PRR4: variants seen among roughly 807,000 people sequenced by gnomAD.
PRR4 encodes the protein proline rich 4, also known as proline-rich protein 4.
PRR4 carries 7 observed loss-of-function variants against 7.6 expected under a neutral mutation model. The observed-to-expected ratio is 0.92, with a 90% CI of 0.52 to 1.73. The LOEUF (loss-of-function observed/expected upper bound fraction) is 1.73, where lower values mean the gene tolerates loss of function less well. PRR4 is among the 40% of genes most tolerant of loss of function. The pLI is 0.00. For synonymous variants in PRR4, 64 were observed against 58.5 expected, an observed-to-expected ratio of 1.09 and a Z score of -0.43; for missense variants, 187 against 161.0, an observed-to-expected ratio of 1.16 and a Z score of -0.87.
chr12:10,848,012 G>A (rs10732560), intron 2 of PRR4, among the ~76,000 whole-genome samples: 125,988 of 151,992 alleles, frequency 0.83, 53,361 homozygotes, highest in East Asian at 1. Context: ...ATAACCGTGC[G>A]GGGGAACACT....
In PRR4 at chr12:10,847,159, A is replaced by G. The variant is rs1325830673; in HGVS notation, c.309T>C (p.Ser103=). 2 of 1,613,626 alleles carry G rather than the reference A, an allele frequency of 1.2e-6. No individual in the cohort carries two copies. Among genetic ancestry groups the G allele is most frequent in the Non-Finnish European group, 8.5e-7 (1 of 1,179,824 alleles). ...RPPRRGHRQL[S]LPRFPSVSLQ... The stretch of plus-strand genomic sequence containing the variant: ...GGCTGACAGAAGGAAATCGGGGTAG[A>G]GAGAGTTGACGGTGTCCTCGTCGGG... The change falls in exon 3 of 4, where the codon TCT becomes TCC. Residue 103 remains serine (S), a synonymous_variant. Coordinates refer to ENST00000228811, the MANE Select transcript of PRR4 (RefSeq NM_007244.3).
Position 10,845,852 on chromosome 12 carries a change from C to A in PRR4, c.*117G>T. ...AAAGAGAAGCAACAATCAGAAATTG[C>A]ATGCTATTAATATTTTATTGGTATA... On this transcript the variant is annotated 3_prime_UTR_variant, in exon 4 of 4. Transcript: ENST00000228811. 1 of 946,106 alleles carries A rather than the reference C, an allele frequency of 1.1e-6. No individual in the cohort carries two copies. Among genetic ancestry groups the A allele is most frequent in the South Asian group, 3.9e-5 (1 of 25,348 alleles). The allele number at this position is 946,106 out of a possible 1,614,324, so 58.6% of individuals were successfully genotyped here.
intron 3 of PRR4, 113 bp downstream of exon 3, chr12:10,846,932 A>G (rs777807196): frequency 9.4e-6 from 9 of 959,508 alleles, no homozygotes; most frequent in Non-Finnish European, 1.2e-5. Context: ...ATCTTTAGAA[A>G]TGGGGTCCAG....
intron 2 of PRR4, 82 bp downstream of exon 2, chr12:10,848,287 GAGA>G (rs1255431098): frequency 1.3e-5 from 18 of 1,368,060 alleles, no homozygotes; most frequent in Non-Finnish European, 1.8e-5. Flanking sequence ...AAAAAATGAT[GAGA>G]AGAAGACACT....
intron 1 of PRR4, 76 bp from the exon 2 acceptor site, chr12:10,848,483 G>A: frequency 7.1e-7 from 1 of 1,411,114 alleles, no homozygotes; most frequent in Non-Finnish European, 9.9e-7. Flanking sequence ...TATAGGGAAA[G>A]GGGTCTTCTG....
At position 10,847,083 on chromosome 12, in the gene PRR4, G is replaced by A. The variant is rs182622878; in HGVS notation, c.385C>T (p.Gln129Ter). ...FQRDRPARHP[Q>*]EQPLW ...CTAGATTACCAGAGTGGTTGCTCCTGGGGATGTCTTGCTGGTCTGTCCCTC... is the reference window on the plus strand; with the variant it reads ...CTAGATTACCAGAGTGGTTGCTCCTAGGGATGTCTTGCTGGTCTGTCCCTC... Residue 129 changes from glutamine (Q) to a stop codon, truncating the protein, a stop_gained, in exon 3 of 4, where the codon CAG (glutamine) becomes TAG (stop). Transcript: ENST00000228811. LOFTEE classifies it low-confidence loss of function (END_TRUNC). 4.3e-5 allele frequency: 68 copies of A among 1,597,938 alleles called. No homozygotes were observed. In the African/African-American group the frequency reaches 7.1e-4, roughly 17 times the overall value.
intron 3 of PRR4, 148 bp from the exon 4 acceptor site, chr12:10,846,098 T>G (rs953571253): frequency 1.5e-5 from 8 of 535,840 alleles, no homozygotes; most frequent in Non-Finnish European, 2.3e-5. Flanking sequence ...TTTTGGTTAC[T>G]GTTCAAAACA....
intron 2 of PRR4, among the ~76,000 whole-genome samples, chr12:10,848,085 T>A (rs995207011): frequency 1.3e-5 from 2 of 152,176 alleles, no homozygotes; most frequent in South Asian, 4.1e-4. Context: ...CATTTGTTCA[T>A]CATCTCTCAG....
intron 1 of PRR4, 26 bp downstream of exon 1, chr12:10,849,348 C>G (rs544091066): frequency 6.5e-7 from 1 of 1,529,960 alleles, no homozygotes; most frequent in South Asian, 1.2e-5. Flanking sequence ...TCCCCATCTC[C>G]TTTTTTAAAA....
At chr12:10,846,508 T>C (rs1949019238) in intron 3 of PRR4, among the ~76,000 whole-genome samples, 1 of 152,170 alleles carries the variant, frequency 6.6e-6, no homozygotes, top group Admixed American at 6.5e-5. Flanking sequence ...AAGATTTAGC[T>C]TCATACCATT....
chr12:10,847,455 C>T, intron 2 of PRR4, 88 bp from the exon 3 acceptor site: 2 of 1,001,992 alleles, frequency 2.0e-6, no homozygotes, highest in Non-Finnish European at 2.8e-6. Flanking sequence ...TACCACACAG[C>T]CCTGTTCTCC....
intron 3 of PRR4, 105 bp downstream of exon 3, chr12:10,846,940 C>G: frequency 6.4e-6 from 7 of 1,089,834 alleles, no homozygotes; most frequent in Non-Finnish European, 9.0e-6. Context: ...AAATGGGGTC[C>G]AGGATTATGT....
intron 1 of PRR4, chr12:10,849,130 T>C (rs779818221): frequency 2.0e-5 from 4 of 199,632 alleles, no homozygotes; most frequent in Admixed American, 5.8e-5. Flanking sequence ...ATTCCTCTAA[T>C]TGAAATTCTC....
chr12:10,845,869 A>G lies in PRR4; in HGVS notation c.*100T>C. 1 of 1,098,872 alleles carries G rather than the reference A, an allele frequency of 9.1e-7. No individual in the cohort carries two copies. The highest frequency in any genetic ancestry group is 1.2e-6 in the Non-Finnish European group (1 of 836,054). The allele number at this position is 1,098,872 out of a possible 1,614,324, so 68.1% of individuals were successfully genotyped here. On this transcript the variant is annotated 3_prime_UTR_variant, in exon 4 of 4. Coordinates refer to ENST00000228811, the MANE Select transcript of PRR4 (RefSeq NM_007244.3). ...AGAAATTGCATGCTATTAATATTTT[A>G]TTGGTATACTGAAGAAAGAGTTATG... is the stretch of plus-strand genomic sequence containing the variant.
chr12:10,849,065 C>A (rs1949061167), intron 1 of PRR4: 1 of 165,168 alleles, frequency 6.1e-6, no homozygotes, highest in Non-Finnish European at 1.3e-5. Context: ...GCATTCTCCA[C>A]TGCATCCTTC....
intron 2 of PRR4, among the ~76,000 whole-genome samples, chr12:10,848,167 G>T (rs1172258337): frequency 6.6e-6 from 1 of 152,112 alleles, no homozygotes; most frequent in East Asian, 1.9e-4. Context: ...CTGTATTCAA[G>T]TTGGTGGCCT....
Position 10,849,375 on chromosome 12 carries a change from A to G in PRR4, c.63T>C (p.Asn21=), listed in dbSNP as rs761646506. 1.9e-6 allele frequency: 3 copies of G among 1,592,902 alleles called. No homozygotes were observed. In the South Asian group the frequency reaches 3.4e-5, roughly 18 times the overall value. ...LALSSAQSTD[N]DVNYEDFTFT... is the part of the protein sequence containing the mutation. ...TTTTTAAAAAAATAATTTTTTTACCATTATCTGTGCTCTGAGCTGAGCTCA... is the reference window on the plus strand; with the variant it reads ...TTTTTAAAAAAATAATTTTTTTACCGTTATCTGTGCTCTGAGCTGAGCTCA... The change falls in exon 1 of 4, where the codon AAT becomes AAC. Residue 21 remains asparagine, a splice_region_variant and synonymous_variant. Coordinates refer to ENST00000228811, the MANE Select transcript of PRR4 (RefSeq NM_007244.3).
chr12:10,849,429 C>A lies in PRR4; in HGVS notation c.9G>T (p.Leu3=), dbSNP rs977082585. ML[L]VLLSVVLLAL... is the part of the protein sequence containing the mutation. ...CCAGAAGGACCACTGAGAGCAGGAC[C>A]AGCAGCATCTTGAAGGAGGCTCTGG... The change falls in exon 1 of 4, where the codon CTG becomes CTT. Residue 3 remains leucine (L), a synonymous_variant. Coordinates refer to ENST00000228811, the MANE Select transcript of PRR4 (RefSeq NM_007244.3). 6.2e-7 allele frequency: 1 copy of A among 1,606,382 alleles called. No individual in the cohort carries two copies. Among genetic ancestry groups the A allele is most frequent in the Non-Finnish European group, 8.5e-7 (1 of 1,176,114 alleles).
chr12:10,848,505 T>C, intron 1 of PRR4, 98 bp from the exon 2 acceptor site: 1 of 1,137,406 alleles, frequency 8.8e-7, no homozygotes, highest in Non-Finnish European at 1.3e-6. Context: ...CCACACCCTG[T>C]GCATCCCCTA....
Sources: gnomAD v4.1 joint callset for allele counts (sites outside exome capture counted in the v4.1 genomes callset) on GRCh38, gnomAD v4.1.1 for gene constraint, MANE v1.5 for transcripts, NCBI Gene and HGNC (gene_info 2026-07-23, HGNC 2026-07-21) for gene names.